CNTFR: variants seen among roughly 807,000 people sequenced by gnomAD.
The protein encoded by CNTFR is ciliary neurotrophic factor receptor subunit alpha.
In CNTFR, 12 loss-of-function variants were observed where a neutral mutation model predicts 40.4. The ratio of observed to expected loss-of-function variants is 0.30; its 90% confidence interval spans 0.19 to 0.48. CNTFR has a LOEUF of 0.48. Ranked by LOEUF, CNTFR falls within the 20% of genes least tolerant of loss-of-function variation. The probability of loss-of-function intolerance (pLI) is 0.99; values close to 1 mark genes in which losing one functional copy is unlikely to be tolerated. For synonymous variants in CNTFR, 202 were observed against 209.6 expected, an observed-to-expected ratio of 0.96 and a Z score of 0.31; for missense variants, 414 against 506.8, an observed-to-expected ratio of 0.82 and a Z score of 1.76.
intron 2 of CNTFR, among the ~76,000 whole-genome samples, chr9:34,574,852 C>A (rs572194898): frequency 7.9e-4 from 120 of 152,300 alleles, no homozygotes; most frequent in Admixed American, 7.8e-3. Flanking sequence ...TGTGTGCGGG[C>A]GTGTTGTTGG....
intron 4 of CNTFR, among the ~76,000 whole-genome samples, chr9:34,559,087 TC>T (rs1057252186): frequency 2.0e-5 from 3 of 151,186 alleles, no homozygotes; most frequent in Non-Finnish European, 2.9e-5. Flanking sequence ...CTCCTGTGCC[TC>T]CCCCCTCCCC....
intron 2 of CNTFR, among the ~76,000 whole-genome samples, chr9:34,577,672 G>C (rs1827050403): frequency 6.6e-6 from 1 of 152,122 alleles, no homozygotes; most frequent in Non-Finnish European, 1.5e-5. Flanking sequence ...CTCAGGCGGT[G>C]GTCCCCTCCC....
chr9:34,552,247 C>T lies in CNTFR; in HGVS notation c.1032G>A (p.Gly344=), dbSNP rs1825657606. ...TGACCAAGAAGGGTGCCGAGGGTCCCCCGCCGCTGCCCAGCTCCCCAGGGT... is the reference window on the plus strand; with the variant it reads ...TGACCAAGAAGGGTGCCGAGGGTCCTCCGCCGCTGCCCAGCTCCCCAGGGT... ...ICDPGELGSG[G]GPSAPFLVSV... The change falls in exon 9 of 10, where the codon GGG becomes GGA. Residue 344 remains glycine (G), a synonymous_variant. Transcript: ENST00000378980. This position sits in a 1 kb window ranked among gnomAD's most constrained non-coding sequence, Gnocchi z 5.1. 3 of 1,554,652 alleles carry T rather than the reference C, an allele frequency of 1.9e-6. No individual in the cohort carries two copies. In the African/African-American group the frequency reaches 4.1e-5, roughly 21 times the overall value.
rs747911097 is a variant in CNTFR at position 34,552,878 on chromosome 9, G to T, written c.769-24C>A. 12 of 1,604,762 alleles carry T rather than the reference G, an allele frequency of 7.5e-6. 1 individual carries two copies. The highest frequency in any genetic ancestry group is 1.7e-4 in the Middle Eastern group (1 of 6,018). On this transcript the variant is annotated intron_variant, in intron 7 of 9. Coordinates refer to ENST00000378980, the MANE Select transcript of CNTFR (RefSeq NM_147164.3). This position sits in a 1 kb window ranked among gnomAD's most constrained non-coding sequence, Gnocchi z 5.1. The stretch of plus-strand genomic sequence containing the variant: ...ACCTGCAGCCAGACCATGGGGTGGG[G>T]GTAAGGACACACCTGGGGGCCAGGA...
chr9:34,577,845 A>G (rs1185768321), intron 2 of CNTFR, among the ~76,000 whole-genome samples: 1 of 149,886 alleles, frequency 6.7e-6, no homozygotes, highest in African/African-American at 2.5e-5. Flanking sequence ...AGAGAAAAGA[A>G]GAGAGACAGC....
intron 1 of CNTFR, among the ~76,000 whole-genome samples, chr9:34,582,102 C>A (rs566139378): frequency 6.6e-6 from 1 of 152,074 alleles, no homozygotes; most frequent in East Asian, 1.9e-4. Context: ...AGTGAAACCC[C>A]ATCTCTACCA....
At position 34,557,516 on chromosome 9, in the gene CNTFR, C is replaced by T. The variant is rs1335020426; in HGVS notation, c.604+10G>A. 1.9e-6 allele frequency: 3 copies of T among 1,610,140 alleles called. No individual in the cohort carries two copies. Among genetic ancestry groups the T allele is most frequent in the Non-Finnish European group, 1.7e-6 (2 of 1,176,666 alleles). ...AGTAGGCAGCAGGTCCCCCCAACCG[C>T]CACACGTACCAATGGTGAACTCGTC... On this transcript the variant is annotated intron_variant, in intron 6 of 9. Coordinates refer to ENST00000378980, the MANE Select transcript of CNTFR (RefSeq NM_147164.3). This position sits in a 1 kb window ranked among gnomAD's most constrained non-coding sequence, Gnocchi z 4.2.
chr9:34,564,002 G>C (rs1255691618), intron 4 of CNTFR, among the ~76,000 whole-genome samples: 2 of 152,140 alleles, frequency 1.3e-5, no homozygotes, highest in Non-Finnish European at 2.9e-5. Context: ...ACCAGCCCAA[G>C]TGGCCTTTAC....
chr9:34,556,993 C>T (rs1178428360), intron 6 of CNTFR, among the ~76,000 whole-genome samples: 2 of 150,408 alleles, frequency 1.3e-5, no homozygotes, highest in Non-Finnish European at 2.9e-5. Context: ...GCCATGGGGT[C>T]TGGGGAGAAG....
chr9:34,552,485 C>T lies in CNTFR; in HGVS notation c.950-156G>A, dbSNP rs1010495056. On this transcript the variant is annotated intron_variant, in intron 8 of 9. Coordinates refer to ENST00000378980, the MANE Select transcript of CNTFR (RefSeq NM_147164.3). This position sits in a 1 kb window ranked among gnomAD's most constrained non-coding sequence, Gnocchi z 5.1. ...TCCCAAGGCTCACAGATAACCCCTCCACCCAATGACCCCTACCAAGGATGT... is the reference window on the plus strand; with the variant it reads ...TCCCAAGGCTCACAGATAACCCCTCTACCCAATGACCCCTACCAAGGATGT... Among the ~76,000 whole-genome samples, 1 of 152,186 alleles carries T rather than the reference C, an allele frequency of 6.6e-6. No homozygotes were observed. Among genetic ancestry groups the T allele is most frequent in the African/African-American group, 2.4e-5 (1 of 41,432 alleles).
intron 1 of CNTFR, among the ~76,000 whole-genome samples, chr9:34,586,705 A>C (rs1374739815): frequency 6.6e-6 from 1 of 152,204 alleles, no homozygotes; most frequent in Non-Finnish European, 1.5e-5. Context: ...ATCCACTCAG[A>C]TCTTCCTGCC....
intron 4 of CNTFR, among the ~76,000 whole-genome samples, chr9:34,563,027 T>C (rs1453477611): frequency 6.6e-6 from 1 of 151,766 alleles, no homozygotes; most frequent in African/African-American, 2.4e-5. Flanking sequence ...CCCTTGGCCA[T>C]CTCACACCCT....
intron 2 of CNTFR, among the ~76,000 whole-genome samples, chr9:34,575,227 C>A (rs1826893320): frequency 1.3e-5 from 2 of 152,178 alleles, no homozygotes; most frequent in African/African-American, 2.4e-5. Context: ...CAACCCCAGT[C>A]CAGTCTCTTC....
chr9:34,589,693 T>C lies in CNTFR; in HGVS notation c.-250A>G. ...CGCCGCGCCGGCTGGAGCCGCCGCC[T>C]CCGCTGCCGCCGCCGCCGCCGCCCG... On this transcript the variant is annotated 5_prime_UTR_variant, in exon 1 of 10. Transcript: ENST00000378980. The surrounding 1 kb of genome is among the most constrained non-coding windows in gnomAD (Gnocchi z 4.4). 1 of 156,368 alleles carries C rather than the reference T, an allele frequency of 6.4e-6. No individual in the cohort carries two copies. The highest frequency in any genetic ancestry group is 1.4e-5 in the Non-Finnish European group (1 of 72,272). 9.7% of individuals were successfully genotyped at this position (156,368 alleles called of 1,614,324 possible).
At chr9:34,562,916 A>G (rs1826126978) in intron 4 of CNTFR, among the ~76,000 whole-genome samples, 1 of 151,804 alleles carries the variant, frequency 6.6e-6, no homozygotes. Context: ...GCTCCTTCTT[A>G]TTTCTTTTTG....
In CNTFR at chr9:34,551,998, CG is replaced by C; in HGVS notation, c.*72del. 1.2e-6 allele frequency: 1 copy of C among 865,858 alleles called. No individual in the cohort carries two copies. Among genetic ancestry groups the C allele is most frequent in the Middle Eastern group, 3.2e-4 (1 of 3,104 alleles). The allele number at this position is 865,858 out of a possible 1,614,324, so 53.6% of individuals were successfully genotyped here. Reference sequence around the variant, plus strand: ...TCCTGCCCGTGTGCAAAATAGAAACCGGGGTCTGCAGGCTCAGCTCCGGCCT... The same window carrying C: ...TCCTGCCCGTGTGCAAAATAGAAACCGGGTCTGCAGGCTCAGCTCCGGCCT... On this transcript the variant is annotated 3_prime_UTR_variant, in exon 10 of 10. Transcript: ENST00000378980.
intron 4 of CNTFR, among the ~76,000 whole-genome samples, chr9:34,564,148 C>G (rs1234260564): frequency 6.6e-6 from 1 of 152,196 alleles, no homozygotes; most frequent in Non-Finnish European, 1.5e-5. Flanking sequence ...TCCTCCTTCC[C>G]TGGGGCCTCC....
In CNTFR at chr9:34,552,259, C is replaced by T. The variant is rs1043471893; in HGVS notation, c.1020G>A (p.Leu340=). 4 of 1,552,240 alleles carry T rather than the reference C, an allele frequency of 2.6e-6. No homozygotes were observed. The highest frequency in any genetic ancestry group is 3.5e-6 in the Non-Finnish European group (4 of 1,149,672). ...PTTKICDPGE[L]GSGGGPSAPF... ...GTGCCGAGGGTCCCCCGCCGCTGCC[C>T]AGCTCCCCAGGGTCACAGATCTTCG... The change falls in exon 9 of 10, where the codon CTG becomes CTA. Residue 340 remains leucine, a synonymous_variant. Coordinates refer to ENST00000378980, the MANE Select transcript of CNTFR (RefSeq NM_147164.3). The surrounding 1 kb of genome is among the most constrained non-coding windows in gnomAD (Gnocchi z 5.1).
chr9:34,552,050 T>C lies in CNTFR; in HGVS notation c.*21A>G. Reference sequence around the variant, plus strand: ...CCTGCTCCTCTGCAGGTGCTCTGCATGTCCTCATGGGGTGCCGGGCTCTGT... The same window carrying C: ...CCTGCTCCTCTGCAGGTGCTCTGCACGTCCTCATGGGGTGCCGGGCTCTGT... On this transcript the variant is annotated 3_prime_UTR_variant, in exon 10 of 10. Coordinates refer to ENST00000378980, the MANE Select transcript of CNTFR (RefSeq NM_147164.3). The surrounding 1 kb of genome is among the most constrained non-coding windows in gnomAD (Gnocchi z 5.1). 1 of 1,376,584 alleles carries C rather than the reference T, an allele frequency of 7.3e-7. No homozygotes were observed. Among genetic ancestry groups the C allele is most frequent in the Non-Finnish European group, 1.0e-6 (1 of 972,118 alleles). The allele number at this position is 1,376,584 out of a possible 1,614,324, so 85.3% of individuals were successfully genotyped here.
Sources: allele counts gnomAD v4.1 joint callset (sites outside exome capture counted in the v4.1 genomes callset), GRCh38; gene constraint gnomAD v4.1.1; non-coding constraint Gnocchi (gnomAD v3.1); transcripts MANE v1.5; gene names NCBI Gene and HGNC (gene_info 2026-07-23, HGNC 2026-07-21).